The following OCLN variants were observed in gnomAD, a reference collection of about 807,000 sequenced individuals.
OCLN encodes the protein occludin, also known as phosphatase 1, regulatory subunit 115.
OCLN carries 21 observed loss-of-function variants against 47.9 expected under a neutral mutation model. The ratio of observed to expected loss-of-function variants is 0.44; its 90% CI spans 0.31 to 0.63. OCLN has a LOEUF of 0.63. OCLN is among the 30% of genes least tolerant of loss of function. The probability of loss-of-function intolerance (pLI) is 0.08; values close to 1 mark genes in which losing one functional copy is unlikely to be tolerated. For missense variants in OCLN, 360 were observed against 571.0 expected (o/e 0.63, Z 3.77); for synonymous variants, 117 against 198.4 (o/e 0.59, Z 3.45).
At chr5:69,494,185 T>TTG (rs71787949) in intron 1 of OCLN, among the ~76,000 whole-genome samples, 104 of 151,372 alleles carry the variant, frequency 6.9e-4, no homozygotes, top group South Asian at 1.3e-3. Context: ...TATGAGGTGC[T>TTG]TGTGTGTGTG....
chr5:69,509,170 A>C lies in OCLN; in HGVS notation c.80A>C (p.Asp27Ala). The change falls in exon 3 of 9, where the codon GAC becomes GCC. Residue 27 changes from aspartate to alanine, a missense_variant. Coordinates refer to ENST00000396442, the MANE Select transcript of OCLN (RefSeq NM_001205254.2). ...CCGAATCATTATGCACCAAGCAATG[A>C]CATATATGGTGGAGAGATGCATGTT... ...FKPNHYAPSN[D>A]IYGGEMHVRP... The C allele has an allele frequency of 6.2e-7, 1 of 1,614,052 alleles. No individual in the cohort carries two copies. Among genetic ancestry groups the C allele is most frequent in the Middle Eastern group, 1.7e-4 (1 of 6,060 alleles).
At chr5:69,496,363 G>C (rs987416810) in intron 1 of OCLN, among the ~76,000 whole-genome samples, 10 of 152,022 alleles carry the variant, frequency 6.6e-5, no homozygotes, top group Non-Finnish European at 1.5e-4. Context: ...CCCCCAAAGT[G>C]CTGGGATTAC....
intron 1 of OCLN, among the ~76,000 whole-genome samples, chr5:69,499,020 A>T (rs947961461): frequency 2.0e-5 from 3 of 152,116 alleles, no homozygotes; most frequent in Non-Finnish European, 2.9e-5. Flanking sequence ...AATACCGTAT[A>T]CAATGTAAAT....
At chr5:69,532,697 G>T (rs554922934) in intron 4 of OCLN, among the ~76,000 whole-genome samples, 1 of 152,108 alleles carries the variant, frequency 6.6e-6, no homozygotes, top group African/African-American at 2.4e-5. Flanking sequence ...GCCGGGCGTG[G>T]TGGCTCACGC....
At chr5:69,524,797 C>T (rs1769232111) in intron 4 of OCLN, among the ~76,000 whole-genome samples, 1 of 152,172 alleles carries the variant, frequency 6.6e-6, no homozygotes, top group South Asian at 2.1e-4. Context: ...AGCAATTTTC[C>T]CACTTCAGCC....
intron 5 of OCLN, 51 bp downstream of exon 5, chr5:69,534,890 T>G: frequency 6.4e-7 from 1 of 1,554,630 alleles, no homozygotes; most frequent in Non-Finnish European, 8.7e-7. Context: ...AATGAGTATT[T>G]GCATATAATT....
intron 4 of OCLN, among the ~76,000 whole-genome samples, chr5:69,530,294 A>C (rs1317493355): frequency 6.6e-6 from 1 of 152,210 alleles, no homozygotes; most frequent in African/African-American, 2.4e-5. Context: ...ATAACAGTGA[A>C]ATTCAGAAGT....
intron 4 of OCLN, among the ~76,000 whole-genome samples, chr5:69,532,999 A>ATGTG (rs373564373): frequency 0.22 from 29,958 of 137,274 alleles, 3,462 homozygotes; most frequent in Non-Finnish European, 0.26. Context: ...GTATGCATGT[A>ATGTG]TGTGTGTGTG....
At chr5:69,520,403 C>T (rs1177793749) in intron 4 of OCLN, among the ~76,000 whole-genome samples, 1 of 148,032 alleles carries the variant, frequency 6.8e-6, no homozygotes, top group African/African-American at 2.5e-5. Context: ...TGGGTTCAAG[C>T]GATTCTCCTG....
intron 4 of OCLN, among the ~76,000 whole-genome samples, chr5:69,527,118 A>T (rs909305680): frequency 2.6e-5 from 4 of 152,130 alleles, no homozygotes; most frequent in Non-Finnish European, 5.9e-5. Context: ...CTCTTCTAAA[A>T]ATATAAAAAT....
At chr5:69,531,560 C>A (rs894441801) in intron 4 of OCLN, among the ~76,000 whole-genome samples, 39 of 152,184 alleles carry the variant, frequency 2.6e-4, no homozygotes, top group Non-Finnish European at 1.9e-4. Flanking sequence ...TGAAGCTTGG[C>A]AACTTCTGTT....
At chr5:69,548,559 A>T (rs1465716361) in intron 7 of OCLN, among the ~76,000 whole-genome samples, 2 of 146,078 alleles carry the variant, frequency 1.4e-5, no homozygotes, top group Non-Finnish European at 3.0e-5. Flanking sequence ...TGACCTCGTG[A>T]TCTGCCCGTC....
chr5:69,503,127 G>A (rs1212884665), intron 1 of OCLN, among the ~76,000 whole-genome samples: 2 of 152,164 alleles, frequency 1.3e-5, no homozygotes, highest in East Asian at 3.8e-4. Flanking sequence ...ACGTCGGTAG[G>A]TGTCTGATGA....
intron 1 of OCLN, among the ~76,000 whole-genome samples, chr5:69,500,818 T>G (rs892683183): frequency 6.6e-6 from 1 of 152,226 alleles, no homozygotes; most frequent in African/African-American, 2.4e-5. Flanking sequence ...TGGATTAATT[T>G]AGAGTTTCCA....
At chr5:69,508,528 A>T (rs1768673509) in intron 2 of OCLN, among the ~76,000 whole-genome samples, 1 of 152,092 alleles carries the variant, frequency 6.6e-6, no homozygotes. Context: ...TTTAGTAGAG[A>T]TGGGGTTTCA....
chr5:69,493,780 A>G lies in OCLN; in HGVS notation c.-69+880A>G, dbSNP rs1768212481. 6.6e-6 allele frequency among the ~76,000 whole-genome samples: 1 copy of G among 152,124 alleles called. No individual in the cohort carries two copies. The highest frequency in any genetic ancestry group is 1.5e-5 in the Non-Finnish European group (1 of 68,002). ...CGGGACTGGGCCGGCCCCGCGCGCC[A>G]GCCATGTTGCCTGCGTCGGAGGAAG... On this transcript the variant is annotated intron_variant, in intron 1 of 8. Coordinates refer to ENST00000396442, the MANE Select transcript of OCLN (RefSeq NM_001205254.2). The surrounding 1 kb of genome is among the most constrained non-coding windows in gnomAD (Gnocchi z 5.3).
chr5:69,533,054 T>C (rs1769484618), intron 4 of OCLN, among the ~76,000 whole-genome samples: 6 of 149,044 alleles, frequency 4.0e-5, no homozygotes, highest in African/African-American at 1.2e-4. Context: ...TATACACATA[T>C]ATACATATAT....
At chr5:69,503,553 T>C (rs1206978840) in intron 1 of OCLN, among the ~76,000 whole-genome samples, 1 of 152,228 alleles carries the variant, frequency 6.6e-6, no homozygotes, top group Admixed American at 6.5e-5. Flanking sequence ...TCTCCTGGTC[T>C]AGTGTAGGCA....
At chr5:69,550,417 C>T (rs1023501185) in intron 7 of OCLN, among the ~76,000 whole-genome samples, 1 of 151,254 alleles carries the variant, frequency 6.6e-6, no homozygotes, top group African/African-American at 2.4e-5. Flanking sequence ...GCCTCGAACT[C>T]CTGACCTCAG....
Sources: allele counts gnomAD v4.1 joint callset (sites outside exome capture counted in the v4.1 genomes callset), GRCh38; gene constraint gnomAD v4.1.1; non-coding constraint Gnocchi (gnomAD v3.1); transcripts MANE v1.5; gene names NCBI Gene and HGNC (gene_info 2026-07-23, HGNC 2026-07-21).